LPGAT1: variants seen among roughly 807,000 people sequenced by gnomAD.
LPGAT1 encodes acyl-CoA:lysophosphatidylglycerol acyltransferase 1.
A neutral mutation model predicts 47.5 loss-of-function variants in LPGAT1; 11 were observed. That is an observed-to-expected ratio of 0.23 (90% CI 0.15 to 0.38). The LOEUF (loss-of-function observed/expected upper bound fraction) is 0.38. Among genes scored for constraint, LPGAT1 ranks in the 10% least tolerant of loss-of-function variants. LPGAT1 has a pLI of 1.00. For synonymous variants in LPGAT1, 138 were observed against 144.2 expected (o/e 0.96, Z 0.31); for missense variants, 293 against 439.0 (o/e 0.67, Z 2.97).
At chr1:211,808,418 GAA>G (rs1659845060) in intron 2 of LPGAT1, among the ~76,000 whole-genome samples, 2 of 147,476 alleles carry the variant, frequency 1.4e-5, no homozygotes, top group South Asian at 4.3e-4. Context: ...AAAAAATTAA[GAA>G]AAGACTTGGA....
chr1:211,751,846 CT>C (rs1657200242), intron 6 of LPGAT1, among the ~76,000 whole-genome samples: 1 of 152,100 alleles, frequency 6.6e-6, no homozygotes, highest in Non-Finnish European at 1.5e-5. Flanking sequence ...AGTCCTGTCC[CT>C]CTTCCCTTCA....
intron 2 of LPGAT1, among the ~76,000 whole-genome samples, chr1:211,825,188 C>CTTTTTTT (rs953536979): frequency 5.6e-5 from 4 of 70,904 alleles, no homozygotes; most frequent in Non-Finnish European, 7.4e-5. Flanking sequence ...GCACAGTCTT[C>CTTTTTTT]TTTTTTTTTT....
Position 211,789,869 on chromosome 1 carries a change from C to CAA in LPGAT1, c.358-2144_358-2143dup, listed in dbSNP as rs10651480. ...CTGGCGACAAAGCAAGACTCTGTCT[C>CAA]AAAAAAAAAAAAAAAGTACCAACAC... On this transcript the variant is annotated intron_variant, in intron 3 of 7. Transcript: ENST00000366997. 5.4e-3 allele frequency among the ~76,000 whole-genome samples: 745 copies of CAA among 138,436 alleles called. 11 individuals are homozygous for CAA. Among genetic ancestry groups the CAA allele is most frequent in the African/African-American group, 0.013 (493 of 37,790 alleles). 90.8% of individuals were successfully genotyped at this position (138,436 alleles called of 152,430 possible).
At chr1:211,777,675 T>G (rs549837355) in intron 6 of LPGAT1, among the ~76,000 whole-genome samples, 11 of 152,354 alleles carry the variant, frequency 7.2e-5, no homozygotes, top group African/African-American at 2.2e-4. Context: ...AATTACCAAT[T>G]TAATCATTCA....
At chr1:211,780,877 T>G (rs1203685328) in intron 5 of LPGAT1, among the ~76,000 whole-genome samples, 1 of 133,526 alleles carries the variant, frequency 7.5e-6, no homozygotes, top group Admixed American at 7.7e-5. Context: ...TGCAAAATTC[T>G]TTCAACTCTT....
At chr1:211,811,700 T>G (rs1040114064) in intron 2 of LPGAT1, among the ~76,000 whole-genome samples, 2 of 151,748 alleles carry the variant, frequency 1.3e-5, no homozygotes, top group African/African-American at 4.8e-5. Flanking sequence ...GAGGGTGCAG[T>G]GTGCCAAGAT....
chr1:211,782,113 G>T (rs1658665233), intron 5 of LPGAT1, among the ~76,000 whole-genome samples: 1 of 152,256 alleles, frequency 6.6e-6, no homozygotes, highest in South Asian at 2.1e-4. Flanking sequence ...TTTCATAAGA[G>T]TTGTATGTTT....
At chr1:211,770,291 T>C (rs1254951519) in intron 6 of LPGAT1, among the ~76,000 whole-genome samples, 1 of 152,154 alleles carries the variant, frequency 6.6e-6, no homozygotes, top group Admixed American at 6.6e-5. Context: ...GCTGCATCGA[T>C]TTGTGTGTGT....
At chr1:211,776,807 G>A (rs1658423094) in intron 6 of LPGAT1, among the ~76,000 whole-genome samples, 1 of 151,092 alleles carries the variant, frequency 6.6e-6, no homozygotes, top group Admixed American at 6.6e-5. Flanking sequence ...TGAAGATAAG[G>A]AAGCCAACAC....
chr1:211,759,025 C>T (rs529326350), intron 6 of LPGAT1, among the ~76,000 whole-genome samples: 2 of 152,136 alleles, frequency 1.3e-5, no homozygotes, highest in Non-Finnish European at 2.9e-5. Context: ...TTTAAACCAA[C>T]CTTTCAATCC....
At chr1:211,825,292 T>C (rs1368167640) in intron 2 of LPGAT1, among the ~76,000 whole-genome samples, 1 of 146,524 alleles carries the variant, frequency 6.8e-6, no homozygotes, top group East Asian at 2.1e-4. Context: ...CCTGGGCTCA[T>C]GTGATTCTCC....
At chr1:211,803,987 G>T (rs991612751) in intron 2 of LPGAT1, among the ~76,000 whole-genome samples, 1 of 152,166 alleles carries the variant, frequency 6.6e-6, no homozygotes, top group African/African-American at 2.4e-5. Flanking sequence ...TCAAACTCCT[G>T]ACCTCAGGTG....
intron 2 of LPGAT1, among the ~76,000 whole-genome samples, chr1:211,805,306 T>C (rs1369913616): frequency 1.3e-5 from 2 of 152,216 alleles, no homozygotes; most frequent in Non-Finnish European, 2.9e-5. Context: ...CCATCGTAAG[T>C]TGAAAATACA....
intron 3 of LPGAT1, chr1:211,792,451 T>C (rs1333910038): frequency 6.9e-6 from 1 of 144,140 alleles, no homozygotes. Context: ...AGCAATCCAC[T>C]GCTTCACCTC....
chr1:211,753,562 C>G (rs1657301507), intron 6 of LPGAT1, among the ~76,000 whole-genome samples: 1 of 151,594 alleles, frequency 6.6e-6, no homozygotes, highest in Admixed American at 6.6e-5. Context: ...TTATAGTATG[C>G]TATTATTGTA....
chr1:211,747,951 G>A lies in LPGAT1; in HGVS notation c.*1948C>T, dbSNP rs1657010174. 2 of 152,556 alleles carry A rather than the reference G, an allele frequency of 1.3e-5. No homozygotes were observed. Among genetic ancestry groups the A allele is most frequent in the Non-Finnish European group, 2.9e-5 (2 of 68,044 alleles). 9.5% of individuals were successfully genotyped at this position (152,556 alleles called of 1,614,324 possible). ...CCAGTAGTAGTATAATATTCAATGAGGTATTTCAGTTAATGCATCATTCTC... is the reference window on the plus strand; with the variant it reads ...CCAGTAGTAGTATAATATTCAATGAAGTATTTCAGTTAATGCATCATTCTC... On this transcript the variant is annotated 3_prime_UTR_variant, in exon 8 of 8. Coordinates refer to ENST00000366997, the MANE Select transcript of LPGAT1 (RefSeq NM_014873.3).
chr1:211,786,527 A>G (rs961549133), intron 4 of LPGAT1, among the ~76,000 whole-genome samples: 1 of 152,222 alleles, frequency 6.6e-6, no homozygotes, highest in Non-Finnish European at 1.5e-5. Context: ...TACTAGTAAC[A>G]AGTCAAGAAA....
At chr1:211,802,102 AG>A (rs369154589) in intron 2 of LPGAT1, among the ~76,000 whole-genome samples, 11,434 of 144,476 alleles carry the variant, frequency 0.079, 453 homozygotes, top group Admixed American at 0.14. Flanking sequence ...AAAAAAAAAA[AG>A]AGAAAAAAAG....
chr1:211,829,696 C>A, intron 1 of LPGAT1: 1 of 1,038,450 alleles, frequency 9.6e-7, no homozygotes, highest in African/African-American at 1.7e-5. Context: ...ACTGAAGACA[C>A]AAGTGACATG....
Sources: gnomAD v4.1 joint callset for allele counts (sites outside exome capture counted in the v4.1 genomes callset) on GRCh38, gnomAD v4.1.1 for gene constraint, MANE v1.5 for transcripts, NCBI Gene and HGNC (gene_info 2026-07-23, HGNC 2026-07-21) for gene names.